GPAT2: variants seen among roughly 807,000 people sequenced by gnomAD.
GPAT2 encodes the protein 1-acylglycerol-3-phosphate O-acyltransferase GPAT2.
In GPAT2, 51 loss-of-function variants were observed where a neutral mutation model predicts 71.0. That is an observed-to-expected ratio of 0.72 (90% CI 0.57 to 0.91). The LOEUF is 0.91. Ranked by LOEUF, GPAT2 falls within the 40% of genes least tolerant of loss-of-function variation. The probability of loss-of-function intolerance (pLI) is 0.00; values close to 1 mark genes in which losing one functional copy is unlikely to be tolerated. For synonymous variants in GPAT2, 222 were observed against 290.3 expected, an observed-to-expected ratio of 0.76 and a Z score of 2.39; for missense variants, 511 against 666.0, an observed-to-expected ratio of 0.77 and a Z score of 2.56.
At chr2:96,022,349 G>T in intron 21 of GPAT2, 74 bp from the exon 22 acceptor site, 1 of 1,463,680 alleles carries the variant, frequency 6.8e-7, no homozygotes, top group African/African-American at 1.4e-5. Flanking sequence ...GGCCAGGCCT[G>T]TCCCCCAGAA....
chr2:96,022,399 T>G (rs189684082), intron 21 of GPAT2, 124 bp from the exon 22 acceptor site: 1 of 1,204,342 alleles, frequency 8.3e-7, no homozygotes, highest in Non-Finnish European at 1.1e-6. Flanking sequence ...CCTCAATGTT[T>G]GCGTGCAAAT....
chr2:96,025,454 C>A, intron 13 of GPAT2, 31 bp downstream of exon 13: 1 of 1,573,832 alleles, frequency 6.4e-7, no homozygotes, highest in Non-Finnish European at 8.6e-7. Flanking sequence ...AGTGACCCAC[C>A]CGCAAAGGCC....
intron 16 of GPAT2, 92 bp downstream of exon 16, chr2:96,024,097 G>A (rs1680072168): frequency 6.3e-6 from 10 of 1,582,862 alleles, no homozygotes; most frequent in South Asian, 4.6e-5. Context: ...CTACCCAGGA[G>A]GTTTCAGAGG....
At chr2:96,034,186 A>AT (rs1680892355) in intron 1 of GPAT2, among the ~76,000 whole-genome samples, 1 of 109,092 alleles carries the variant, frequency 9.2e-6, no homozygotes, top group Non-Finnish European at 1.9e-5. Flanking sequence ...TTACATATAC[A>AT]TTTTTTGAAA....
rs1261455653 is a variant in GPAT2 at position 96,023,375 on chromosome 2, T to G, written c.1980A>C (p.Lys660Asn). The change falls in exon 18 of 22, where the codon AAA becomes AAC. Residue 660 changes from lysine to asparagine, a missense_variant. Physicochemically the swap from Lys to Asn is moderately conservative, Grantham distance 94. Transcript: ENST00000434632. ...CACTATCAGTAAAGTCCCCACTCGG[T>G]TTCCACAGCAGCTTTCTGCTCAATC... ...RQRLSRKLLW[K>N]PSGDFTDSDS... The G allele has an allele frequency of 1.3e-5, 21 of 1,614,112 alleles. No homozygotes were observed. The highest frequency in any genetic ancestry group is 1.7e-5 in the Non-Finnish European group (20 of 1,180,020).
intron 13 of GPAT2, 117 bp from the exon 14 acceptor site, chr2:96,024,960 A>G: frequency 1.2e-5 from 14 of 1,165,242 alleles, no homozygotes; most frequent in Non-Finnish European, 1.8e-5. Context: ...GGGATGAGGA[A>G]CGTACACCCG....
rs757441898 is a variant in GPAT2, at chr2:96,022,688, A to T, written c.2269T>A (p.Trp757Arg). The change falls in exon 21 of 22, where the codon TGG (tryptophan) becomes AGG (arginine). Residue 757 changes from tryptophan to arginine, a missense_variant. This residue lies in a region of GPAT2 where 108 missense variants were observed against 117.6 expected (regional missense o/e 0.92). Transcript: ENST00000434632. ...CTCACCCCTAGGTCTCTGAAGGTCC[A>T]GACAGCACTGATGGCGAGCTTTGGG... ...ADPKLAISAV[W>R]TFRDLGVLQQ... 8.7e-6 allele frequency: 14 copies of T among 1,614,032 alleles called. No homozygotes were observed. The highest frequency in any genetic ancestry group is 1.0e-5 in the Non-Finnish European group (12 of 1,179,878).
At chr2:96,025,387 G>GC in intron 13 of GPAT2, 98 bp downstream of exon 13, 1 of 1,445,262 alleles carries the variant, frequency 6.9e-7, no homozygotes, top group Non-Finnish European at 9.2e-7. Context: ...CACCTCAGGT[G>GC]CAGACACTTG....
At position 96,025,474 on chromosome 2, in the gene GPAT2, T is replaced by G. The variant is rs746213828; in HGVS notation, c.1357+11A>C. The G allele has an allele frequency of 7.0e-6, 11 of 1,571,606 alleles. No individual in the cohort carries two copies. Among genetic ancestry groups the G allele is most frequent in the Non-Finnish European group, 9.5e-6 (11 of 1,158,678 alleles). On this transcript the variant is annotated intron_variant, in intron 13 of 21. Coordinates refer to ENST00000434632, the MANE Select transcript of GPAT2 (RefSeq NM_001321527.2). ...CCCACCCGCAAAGGCCCAGATCTGG[T>G]TCACCCTCACCACTCAGGACATGAC... is the stretch of plus-strand genomic sequence containing the variant.
At chr2:96,033,591 C>T (rs1159236977) in intron 1 of GPAT2, among the ~76,000 whole-genome samples, 1 of 11,800 alleles carries the variant, frequency 8.5e-5, no homozygotes, top group African/African-American at 3.5e-4. Context: ...CCAGTCAGCT[C>T]GGTTTCCAGC....
chr2:96,023,813 C>T, intron 17 of GPAT2, 110 bp downstream of exon 17: 1 of 1,505,464 alleles, frequency 6.6e-7, no homozygotes, highest in Non-Finnish European at 8.9e-7. Context: ...TGCCCACCCC[C>T]ACAGCACACA....
chr2:96,024,949 A>G, intron 13 of GPAT2, 106 bp from the exon 14 acceptor site: 1 of 1,273,550 alleles, frequency 7.9e-7, no homozygotes, highest in Non-Finnish European at 1.1e-6. Flanking sequence ...ACTCCACCCC[A>G]GGGATGAGGA....
chr2:96,034,087 C>CAT (rs1219373885), intron 1 of GPAT2, among the ~76,000 whole-genome samples: 2 of 147,054 alleles, frequency 1.4e-5, no homozygotes, highest in Admixed American at 6.8e-5. Flanking sequence ...TACATATATA[C>CAT]ATATATATAC....
chr2:96,025,052 C>T, intron 13 of GPAT2: 4 of 624,954 alleles, frequency 6.4e-6, no homozygotes, highest in East Asian at 2.7e-5. Context: ...GTAGGGCCCA[C>T]ACATCAACCC....
chr2:96,022,957 C>T lies in GPAT2; in HGVS notation c.2233+1G>A, dbSNP rs755458504. ...GCCTGGGCTGACTGGTTGGGACTCACCGAAGATCCCTTCTTCCTGGGCGGT... is the reference window on the plus strand; with the variant it reads ...GCCTGGGCTGACTGGTTGGGACTCATCGAAGATCCCTTCTTCCTGGGCGGT... On this transcript the variant is annotated splice_donor_variant, in intron 20 of 21. Transcript: ENST00000434632. LOFTEE classifies it high-confidence loss of function. The T allele has an allele frequency of 1.2e-6, 2 of 1,613,844 alleles. No homozygotes were observed. The highest frequency in any genetic ancestry group is 1.7e-6 in the Non-Finnish European group (2 of 1,179,878).
intron 12 of GPAT2, 119 bp downstream of exon 12, chr2:96,025,811 A>G: frequency 1.6e-6 from 2 of 1,231,096 alleles, no homozygotes; most frequent in Non-Finnish European, 2.4e-6. Flanking sequence ...ACTATTCTAG[A>G]TGACCCCAGG....
In GPAT2 at chr2:96,024,680, C is replaced by T; in HGVS notation, c.1434G>A (p.Val478=). 2 of 1,613,930 alleles carry T rather than the reference C, an allele frequency of 1.2e-6. No homozygotes were observed. The highest frequency in any genetic ancestry group is 1.7e-6 in the Non-Finnish European group (2 of 1,179,920). Residue 478 remains valine, a synonymous_variant, in exon 15 of 22, where the codon GTG becomes GTA. Transcript: ENST00000434632. ...TLLLFKHQKG[V]FLSQLLGEFS... ...ACTCCCCCAGGAGCTGCGACAGGAA[C>T]ACACCCTGGGTGGGCAGAGCAGGGC... is the stretch of plus-strand genomic sequence containing the variant.
chr2:96,032,252 G>A, intron 2 of GPAT2, 45 bp downstream of exon 2: 5 of 1,516,826 alleles, frequency 3.3e-6, no homozygotes, highest in South Asian at 2.2e-5. Flanking sequence ...AGCAGAAGGG[G>A]TGGCAGGGCA....
intron 13 of GPAT2, chr2:96,025,167 A>G (rs1192445104): frequency 5.3e-6 from 3 of 564,846 alleles, no homozygotes; most frequent in Admixed American, 3.2e-5. Flanking sequence ...CATTCCATTC[A>G]GTTAACACCA....
Sources: gnomAD v4.1 joint callset for allele counts (sites outside exome capture counted in the v4.1 genomes callset) on GRCh38, gnomAD v4.1.1 for gene constraint, gnomAD v4.1.1 regional missense constraint, MANE v1.5 for transcripts, NCBI Gene and HGNC (gene_info 2026-07-23, HGNC 2026-07-21) for gene names.